Variants in C3orf20 observed in about 807,000 individuals in gnomAD.
The protein encoded by C3orf20 is family with sequence similarity 149 member C.
Under a neutral mutation model 88.3 loss-of-function variants are expected in C3orf20, and 76 were observed. The ratio of observed to expected loss-of-function variants is 0.86; its 90% CI spans 0.72 to 1.04. The LOEUF is 1.04. Among genes scored for constraint, C3orf20 ranks in the 50% least tolerant of loss-of-function variants. The pLI, the probability that C3orf20 is intolerant of heterozygous loss-of-function variation, is 0.00. For synonymous variants in C3orf20, 436 were observed against 437.4 expected, an observed-to-expected ratio of 1.00 and a Z score of 0.04; for missense variants, 1,056 against 1,123.3, an observed-to-expected ratio of 0.94 and a Z score of 0.86.
Position 14,701,497 on chromosome 3 carries a change from C to G in C3orf20, c.746-1633C>G, listed in dbSNP as rs565510372. Among the ~76,000 whole-genome samples the G allele has an allele frequency of 6.6e-6, 1 of 151,872 alleles. No homozygotes were observed. Among genetic ancestry groups the G allele is most frequent in the Non-Finnish European group, 1.5e-5 (1 of 68,002 alleles). On this transcript the variant is annotated intron_variant, in intron 5 of 16. Coordinates refer to ENST00000253697, the MANE Select transcript of C3orf20 (RefSeq NM_032137.5). This position sits in a 1 kb window ranked among gnomAD's most constrained non-coding sequence, Gnocchi z 4.6. ...AACCTAGGGTGGGATATCACTGCCA[C>G]GACTCCACATGACCACATCCTCATA...
At chr3:14,703,445 A>T (rs1011617213) in intron 6 of C3orf20, among the ~76,000 whole-genome samples, 183 bp downstream of exon 6, 1 of 152,256 alleles carries the variant, frequency 6.6e-6, no homozygotes, top group African/African-American at 2.4e-5. Context: ...TCACAGGCAC[A>T]CACACACCCG....
At chr3:14,688,873 A>C (rs7628305) in intron 4 of C3orf20, among the ~76,000 whole-genome samples, 6,144 of 152,200 alleles carry the variant, frequency 0.04, 269 homozygotes, top group African/African-American at 0.12. Flanking sequence ...CTGTTTTCCA[A>C]CATGGCTATA....
intron 7 of C3orf20, among the ~76,000 whole-genome samples, chr3:14,713,150 C>T (rs765730694): frequency 5.3e-4 from 81 of 152,030 alleles, no homozygotes; most frequent in South Asian, 2.1e-4. Context: ...TGAATTTATC[C>T]TACTTGGAGT....
intron 15 of C3orf20, among the ~76,000 whole-genome samples, chr3:14,764,525 G>A (rs1340669977): frequency 2.6e-5 from 4 of 151,504 alleles, no homozygotes; most frequent in South Asian, 2.1e-4. Flanking sequence ...TGTTGTTGTT[G>A]TTGTTGTTGT....
chr3:14,764,097 C>T (rs2035635472), intron 15 of C3orf20, among the ~76,000 whole-genome samples: 1 of 152,082 alleles, frequency 6.6e-6, no homozygotes, highest in African/African-American at 2.4e-5. Flanking sequence ...CCTGCACTTA[C>T]TAGATGCACA....
intron 10 of C3orf20, among the ~76,000 whole-genome samples, chr3:14,723,103 T>A (rs145118855): frequency 6.6e-6 from 1 of 152,310 alleles, no homozygotes; most frequent in Non-Finnish European, 1.5e-5. Context: ...CTGGAGAAAT[T>A]GTAAATGGCA....
chr3:14,712,937 T>C (rs2033807400), intron 7 of C3orf20, among the ~76,000 whole-genome samples: 1 of 152,164 alleles, frequency 6.6e-6, no homozygotes, highest in South Asian at 2.1e-4. Context: ...TTGGTCAAAG[T>C]TTTATTTTTT....
chr3:14,740,951 A>G (rs954697897), intron 12 of C3orf20, among the ~76,000 whole-genome samples: 6 of 152,208 alleles, frequency 3.9e-5, no homozygotes, highest in Non-Finnish European at 7.3e-5. Context: ...AGATAATTCT[A>G]ATATCTGCAT....
At chr3:14,771,414 G>A (rs1483726689) in intron 15 of C3orf20, among the ~76,000 whole-genome samples, 2 of 152,262 alleles carry the variant, frequency 1.3e-5, no homozygotes, top group African/African-American at 2.4e-5. Flanking sequence ...GATGCCAGAA[G>A]CTTGGACCAA....
intron 6 of C3orf20, 152 bp from the exon 7 acceptor site, chr3:14,704,185 C>T (rs752482939): frequency 5.2e-5 from 41 of 784,696 alleles, no homozygotes; most frequent in Non-Finnish European, 7.8e-5. Flanking sequence ...CAAAAATTAC[C>T]TTTATGGACG....
chr3:14,771,763 T>C (rs758103356), intron 15 of C3orf20, among the ~76,000 whole-genome samples: 4 of 134,724 alleles, frequency 3.0e-5, no homozygotes, highest in African/African-American at 7.9e-5. Context: ...CTTTGCCCCC[T>C]GTCATCTCTC....
chr3:14,724,786 T>C (rs1458883324), intron 10 of C3orf20, among the ~76,000 whole-genome samples: 3 of 152,248 alleles, frequency 2.0e-5, no homozygotes, highest in Non-Finnish European at 4.4e-5. Context: ...CAACTACACA[T>C]GTAGCTCACA....
chr3:14,677,753 G>A (rs763922266), intron 1 of C3orf20, among the ~76,000 whole-genome samples: 8 of 152,000 alleles, frequency 5.3e-5, no homozygotes, highest in Admixed American at 2.0e-4. Flanking sequence ...TGCCCGCCTC[G>A]GCCTCCCAAA....
chr3:14,689,578 G>C (rs2032611190), intron 4 of C3orf20, among the ~76,000 whole-genome samples: 1 of 152,180 alleles, frequency 6.6e-6, no homozygotes, highest in South Asian at 2.1e-4. Context: ...GCAAGAGACT[G>C]ATATATTATT....
chr3:14,741,975 G>T (rs145467996), intron 12 of C3orf20, among the ~76,000 whole-genome samples: 1 of 152,152 alleles, frequency 6.6e-6, no homozygotes, highest in Admixed American at 6.5e-5. Flanking sequence ...GACATGGCTC[G>T]CTGGTGGGCA....
In C3orf20 at chr3:14,772,715, G is replaced by C; in HGVS notation, c.2631-76G>C. On this transcript the variant is annotated intron_variant, in intron 16 of 16. Transcript: ENST00000253697. This position sits in a 1 kb window ranked among gnomAD's most constrained non-coding sequence, Gnocchi z 4.2. ...CAAGGGAGAGGGCCTTGCCCCTCCT[G>C]GCCCAACCGGGCCTGGGCTCTGGGC... The C allele has an allele frequency of 5.6e-6, 7 of 1,248,702 alleles. No homozygotes were observed. The South Asian group carries it at 8.7e-5, about 15-fold the overall frequency. The allele number at this position is 1,248,702 out of a possible 1,614,324, so 77.4% of individuals were successfully genotyped here.
intron 10 of C3orf20, among the ~76,000 whole-genome samples, chr3:14,723,735 C>G (rs2034245841): frequency 6.6e-6 from 1 of 152,160 alleles, no homozygotes; most frequent in Non-Finnish European, 1.5e-5. Flanking sequence ...ATCCATCTAC[C>G]CTGTCAATCT....
chr3:14,755,954 G>A (rs1046524937), intron 12 of C3orf20, among the ~76,000 whole-genome samples: 5 of 149,888 alleles, frequency 3.3e-5, no homozygotes, highest in African/African-American at 9.9e-5. Context: ...GCGTGAACCC[G>A]GGAGGCGGAG....
chr3:14,686,642 A>C (rs1022321018), intron 4 of C3orf20, among the ~76,000 whole-genome samples: 6 of 152,138 alleles, frequency 3.9e-5, no homozygotes, highest in African/African-American at 7.2e-5. Context: ...TTCTTTTGAG[A>C]AATGGGTCCT....
Sources: gnomAD v4.1 joint callset for allele counts (sites outside exome capture counted in the v4.1 genomes callset) on GRCh38, gnomAD v4.1.1 for gene constraint, Gnocchi (gnomAD v3.1) non-coding constraint, MANE v1.5 for transcripts, NCBI Gene and HGNC (gene_info 2026-07-23, HGNC 2026-07-21) for gene names.